Variants in SLCO6A1 observed in about 807,000 individuals in gnomAD.
The protein encoded by SLCO6A1 is cancer/testis antigen 48.
A neutral mutation model predicts 72.7 loss-of-function variants in SLCO6A1; 65 were observed. The ratio of observed to expected loss-of-function variants is 0.89; its 90% CI spans 0.73 to 1.10. The LOEUF (loss-of-function observed/expected upper bound fraction) is 1.10. Among genes scored for constraint, SLCO6A1 ranks in the 50% least tolerant of loss-of-function variants. The pLI, the probability that SLCO6A1 is intolerant of heterozygous loss-of-function variation, is 0.00. For missense variants in SLCO6A1, 874 were observed against 872.6 expected, an observed-to-expected ratio of 1.00 and a Z score of -0.02; for synonymous variants, 314 against 298.2, an observed-to-expected ratio of 1.05 and a Z score of -0.55.
At chr5:102,496,420 A>T (rs561311245) in intron 1 of SLCO6A1, among the ~76,000 whole-genome samples, 263 of 152,338 alleles carry the variant, frequency 1.7e-3, no homozygotes, top group African/African-American at 5.8e-3. Context: ...ACTCAATATT[A>T]TACCCAAACT....
intron 7 of SLCO6A1, among the ~76,000 whole-genome samples, chr5:102,422,536 T>C (rs1748664356): frequency 6.6e-6 from 1 of 151,708 alleles, no homozygotes; most frequent in South Asian, 2.1e-4. Flanking sequence ...AGATTAAAGA[T>C]CAACTTAAGG....
chr5:102,427,754 C>T (rs1748974631), intron 7 of SLCO6A1, among the ~76,000 whole-genome samples: 1 of 148,318 alleles, frequency 6.7e-6, no homozygotes. Context: ...TTAATTATGA[C>T]AAATCTACCA....
chr5:102,462,835 C>T (rs1017908330), intron 4 of SLCO6A1, among the ~76,000 whole-genome samples: 2 of 152,090 alleles, frequency 1.3e-5, no homozygotes, highest in Non-Finnish European at 2.9e-5. Flanking sequence ...TAGAAAATAA[C>T]ATCATAGAAA....
Position 102,413,026 on chromosome 5 carries a change from T to G in SLCO6A1, c.1590A>C (p.Ala530=). 6.4e-7 allele frequency: 1 copy of G among 1,556,828 alleles called. No homozygotes were observed. The highest frequency in any genetic ancestry group is 1.4e-5 in the African/African-American group (1 of 72,166). The change falls in exon 9 of 14, where the codon GCA becomes GCC. Residue 530 remains alanine (A), a synonymous_variant. Coordinates refer to ENST00000506729, the MANE Select transcript of SLCO6A1 (RefSeq NM_173488.5). ...DDIEYFSPCF[A]GCTYSKAQNQ... is the part of the protein sequence containing the mutation. ...TTTGTGCTTTAGAATATGTACACCC[T>G]GCAAAGCAGGGAGAAAAATATTCAA...
rs1749675960 is a variant in SLCO6A1 at position 102,438,669 on chromosome 5, T to C, written c.1224A>G (p.Ile408Met). ...VIIGASEFLP[I>M]YLENQFILTP... ...TTAATATAAACTGATTTTCTAAATA[T>C]ATAGGCAAAAATTCAGAAGCTCCAA... The change falls in exon 7 of 14, where the codon ATA becomes ATG. Residue 408 changes from isoleucine (I) to methionine (M), a missense_variant. Ile to Met is a conservative substitution (Grantham distance 10, BLOSUM62 1). Coordinates refer to ENST00000506729, the MANE Select transcript of SLCO6A1 (RefSeq NM_173488.5). The C allele has an allele frequency of 6.3e-7, 1 of 1,599,586 alleles. No homozygotes were observed. The highest frequency in any genetic ancestry group is 1.3e-5 in the African/African-American group (1 of 74,286).
chr5:102,444,773 A>G (rs1750019092), intron 6 of SLCO6A1, among the ~76,000 whole-genome samples: 1 of 152,166 alleles, frequency 6.6e-6, no homozygotes, highest in African/African-American at 2.4e-5. Flanking sequence ...TTTGTTTTCA[A>G]CTTTCATTTT....
Position 102,475,746 on chromosome 5 carries a change from G to C in SLCO6A1, c.850C>G (p.Leu284Val). ...GGGACTTTAACTAGTGGTGCTCCTA[G>C]CACATAACCCAGAGCATATCCAATC... ...SMIGYALGYVLGAPLVKVPEN... is the reference protein window; with the variant it reads ...SMIGYALGYVVGAPLVKVPEN... Residue 284 changes from leucine (L) to valine (V), a missense_variant, in exon 4 of 14, where the codon CTA (leucine) becomes GTA (valine). Transcript: ENST00000506729. The C allele has an allele frequency of 6.2e-7, 1 of 1,609,208 alleles. No individual in the cohort carries two copies. Among genetic ancestry groups the C allele is most frequent in the Non-Finnish European group, 8.5e-7 (1 of 1,177,450 alleles).
chr5:102,467,720 T>C (rs1751382888), intron 4 of SLCO6A1, among the ~76,000 whole-genome samples: 1 of 152,126 alleles, frequency 6.6e-6, no homozygotes, highest in African/African-American at 2.4e-5. Flanking sequence ...TTGAATCACC[T>C]TTCTTTCTTT....
At chr5:102,467,176 T>G (rs1288521984) in intron 4 of SLCO6A1, among the ~76,000 whole-genome samples, 3 of 152,136 alleles carry the variant, frequency 2.0e-5, no homozygotes, top group Non-Finnish European at 4.4e-5. Flanking sequence ...TAATCCATCT[T>G]GAGTTGATTT....
Position 102,478,565 on chromosome 5 carries a change from CATT to C in SLCO6A1, c.617-707_617-705del, listed in dbSNP as rs569967607. On this transcript the variant is annotated intron_variant, in intron 2 of 13. Transcript: ENST00000506729. ...AACATTTCTTTCCGTTAGAGTTAGT[CATT>C]ATGTGGTCATCCACTAGATTTTAAT... Among the ~76,000 whole-genome samples, 317 of 152,280 alleles carry C rather than the reference CATT, an allele frequency of 2.1e-3. 3 individuals are homozygous for C. Among genetic ancestry groups the C allele is most frequent in the African/African-American group, 7.2e-3 (301 of 41,554 alleles).
At chr5:102,372,481 A>T (rs1750676953) in intron 13 of SLCO6A1, among the ~76,000 whole-genome samples, 1 of 151,734 alleles carries the variant, frequency 6.6e-6, no homozygotes, top group Non-Finnish European at 1.5e-5. Context: ...ACAATAATGT[A>T]TAAAAAATTA....
At chr5:102,479,501 C>T (rs1253500818) in intron 2 of SLCO6A1, among the ~76,000 whole-genome samples, 1 of 152,034 alleles carries the variant, frequency 6.6e-6, no homozygotes, top group Non-Finnish European at 1.5e-5. Context: ...TTCTAACCAC[C>T]CCTATCTTTC....
intron 10 of SLCO6A1, among the ~76,000 whole-genome samples, chr5:102,396,360 G>A (rs866085717): frequency 1.3e-5 from 2 of 151,984 alleles, no homozygotes; most frequent in African/African-American, 4.8e-5. Context: ...GTAGATATGC[G>A]GCATTATTTC....
intron 4 of SLCO6A1, among the ~76,000 whole-genome samples, chr5:102,460,733 T>C (rs1299958986): frequency 6.6e-6 from 1 of 151,854 alleles, no homozygotes; most frequent in African/African-American, 2.4e-5. Context: ...CCAACCAAGA[T>C]CTGGTGAACA....
intron 1 of SLCO6A1, among the ~76,000 whole-genome samples, chr5:102,497,528 C>T (rs1398231050): frequency 6.6e-6 from 1 of 152,178 alleles, no homozygotes; most frequent in African/African-American, 2.4e-5. Context: ...ATGGACTGTG[C>T]CAGTCAGGTT....
intron 4 of SLCO6A1, among the ~76,000 whole-genome samples, chr5:102,472,156 G>A (rs890482594): frequency 3.3e-5 from 5 of 152,058 alleles, no homozygotes; most frequent in Admixed American, 3.3e-4. Flanking sequence ...AGCAGAGGAG[G>A]GTGGAGAAGA....
At chr5:102,438,439 G>T in intron 7 of SLCO6A1, 178 bp downstream of exon 7, 2 of 439,246 alleles carry the variant, frequency 4.6e-6, no homozygotes, top group East Asian at 4.6e-5. Context: ...GTTTTTACAA[G>T]GATTTATATG....
intron 1 of SLCO6A1, among the ~76,000 whole-genome samples, chr5:102,495,212 G>A (rs779366708): frequency 2.0e-5 from 3 of 152,160 alleles, no homozygotes; most frequent in Non-Finnish European, 4.4e-5. Flanking sequence ...CAGAAAGTAG[G>A]TCAAGGTCAC....
chr5:102,497,372 A>G (rs1360353909), intron 1 of SLCO6A1, among the ~76,000 whole-genome samples: 5 of 152,172 alleles, frequency 3.3e-5, no homozygotes, highest in Non-Finnish European at 7.4e-5. Context: ...GATCATAGAC[A>G]CCGTTTTCAA....
Sources: allele counts gnomAD v4.1 joint callset (sites outside exome capture counted in the v4.1 genomes callset), GRCh38; gene constraint gnomAD v4.1.1; transcripts MANE v1.5; gene names NCBI Gene and HGNC (gene_info 2026-07-23, HGNC 2026-07-21).